ITPRID1: variants seen among roughly 807,000 people sequenced by gnomAD.
ITPRID1 encodes the protein protein ITPRID1.
A neutral mutation model predicts 95.4 loss-of-function variants in ITPRID1; 96 were observed. That is an observed-to-expected ratio of 1.01 (90% confidence interval 0.85 to 1.19). The LOEUF is 1.19. ITPRID1 is among the 50% of genes most tolerant of loss of function. The pLI, the probability that ITPRID1 is intolerant of heterozygous loss-of-function variation, is 0.00. For missense variants in ITPRID1, 1,339 were observed against 1,252.9 expected, an observed-to-expected ratio of 1.07 and a Z score of -1.04; for synonymous variants, 510 against 453.6, an observed-to-expected ratio of 1.12 and a Z score of -1.58.
At chr7:31,536,606 T>A (rs931772919) in intron 1 of ITPRID1, among the ~76,000 whole-genome samples, 1 of 152,176 alleles carries the variant, frequency 6.6e-6, no homozygotes, top group African/African-American at 2.4e-5. Flanking sequence ...ATTTTTATGA[T>A]CTTCAACAGG....
intron 5 of ITPRID1, among the ~76,000 whole-genome samples, chr7:31,555,763 C>T (rs1341578528): frequency 6.6e-5 from 10 of 152,164 alleles, no homozygotes; most frequent in African/African-American, 2.4e-4. Context: ...TTAATTATTT[C>T]ACTTCCTCTA....
rs568878337 is a variant in ITPRID1, at chr7:31,578,040, G to C, written c.776G>C (p.Arg259Thr). The C allele has an allele frequency of 2.5e-6, 4 of 1,613,754 alleles. No individual in the cohort carries two copies. The African/African-American group carries it at 4.0e-5, about 16-fold the overall frequency. The change falls in exon 9 of 15, where the codon AGA becomes ACA. Residue 259 changes from arginine (R) to threonine (T), a missense_variant. By Grantham distance (71) the Arg-to-Thr change is moderately conservative. Coordinates refer to ENST00000615280, the MANE Select transcript of ITPRID1 (RefSeq NM_001257967.3). The stretch of plus-strand genomic sequence containing the variant: ...AGAAGAATGGGTAAACTCTTAAGGA[G>C]AGCTTCCAAACAGAACATCAGGCGG... ...HRRRMGKLLR[R>T]ASKQNIRRDC...
intron 10 of ITPRID1, among the ~76,000 whole-genome samples, chr7:31,589,841 G>T (rs1785785191): frequency 6.6e-6 from 1 of 152,128 alleles, no homozygotes; most frequent in Non-Finnish European, 1.5e-5. Flanking sequence ...TTGTGGTGTT[G>T]TATACCATAT....
At chr7:31,551,598 T>C (rs1784287083) in intron 2 of ITPRID1, among the ~76,000 whole-genome samples, 1 of 143,842 alleles carries the variant, frequency 7.0e-6, no homozygotes, top group South Asian at 2.3e-4. Flanking sequence ...TTGATTTTTG[T>C]AGTAATTTAA....
In ITPRID1 at chr7:31,578,276, C is replaced by A. The variant is rs772033986; in HGVS notation, c.1012C>A (p.Pro338Thr). 1.2e-5 allele frequency: 20 copies of A among 1,613,774 alleles called. No individual in the cohort carries two copies. Among genetic ancestry groups the A allele is most frequent in the Middle Eastern group, 1.6e-4 (1 of 6,082 alleles). ...TCATGGTCTTCTGAGCAAGCAGTGGCCTTGCTCATCTATGCCGGCCAAGCA... is the reference window on the plus strand; with the variant it reads ...TCATGGTCTTCTGAGCAAGCAGTGGACTTGCTCATCTATGCCGGCCAAGCA... The part of the protein sequence containing the change: ...PPHGLLSKQW[P>T]CSSMPAKQAP... The change falls in exon 9 of 15, where the codon CCT becomes ACT. Residue 338 changes from proline (P) to threonine (T), a missense_variant. Pro to Thr is a conservative substitution (Grantham distance 38, BLOSUM62 -1). Coordinates refer to ENST00000615280, the MANE Select transcript of ITPRID1 (RefSeq NM_001257967.3).
rs550327320 is a variant in ITPRID1, at chr7:31,639,483, T to G, written c.1229-2693T>G. ...ATATCCACTTAACATAGTTCATCTTTCCTCTAGCTTCTTGAACATACAGGA... is the reference window on the plus strand; with the variant it reads ...ATATCCACTTAACATAGTTCATCTTGCCTCTAGCTTCTTGAACATACAGGA... On this transcript the variant is annotated intron_variant, in intron 10 of 14. Coordinates refer to ENST00000615280, the MANE Select transcript of ITPRID1 (RefSeq NM_001257967.3). 2.6e-5 allele frequency among the ~76,000 whole-genome samples: 4 copies of G among 152,028 alleles called. No individual in the cohort carries two copies. The South Asian group carries it at 8.3e-4, about 32-fold the overall frequency.
chr7:31,658,335 A>G (rs1194589852), downstream of ITPRID1: 1 of 1,524,266 alleles, frequency 6.6e-7, no homozygotes, highest in Non-Finnish European at 8.7e-7. Flanking sequence ...ACTCTGCTAA[A>G]GATGAAAAAA....
chr7:31,617,424 T>C (rs1313768662), intron 10 of ITPRID1, among the ~76,000 whole-genome samples: 1 of 152,176 alleles, frequency 6.6e-6, no homozygotes, highest in Admixed American at 6.5e-5. Flanking sequence ...ATTGAAATAA[T>C]AACCAAATCT....
intron 5 of ITPRID1, among the ~76,000 whole-genome samples, chr7:31,561,062 G>A (rs993533709): frequency 4.6e-5 from 7 of 152,100 alleles, no homozygotes; most frequent in African/African-American, 1.7e-4. Context: ...AACCCCATCA[G>A]CTGTTGTTAA....
intron 1 of ITPRID1, among the ~76,000 whole-genome samples, chr7:31,517,205 GCAGAGAGCTGATTGGTCCATTTTA>G (rs1262381003): frequency 4.6e-5 from 7 of 152,112 alleles, no homozygotes; most frequent in Non-Finnish European, 8.8e-5. Flanking sequence ...GGTCCATTTT[GCAGAGAGCTGATTGGTCCATTTTA>G]CAGAGAGCTG....
At chr7:31,582,442 G>A (rs1220266857) in intron 9 of ITPRID1, among the ~76,000 whole-genome samples, 1 of 151,766 alleles carries the variant, frequency 6.6e-6, no homozygotes, top group Non-Finnish European at 1.5e-5. Flanking sequence ...GTAGAGATGG[G>A]GTCTCACTAT....
At chr7:31,613,200 T>A (rs1181854698) in intron 10 of ITPRID1, among the ~76,000 whole-genome samples, 1 of 152,186 alleles carries the variant, frequency 6.6e-6, no homozygotes, top group African/African-American at 2.4e-5. Flanking sequence ...GTTTTAAGGC[T>A]AATGAAGAGC....
chr7:31,580,085 G>A (rs1224988180), intron 9 of ITPRID1, among the ~76,000 whole-genome samples: 1 of 151,940 alleles, frequency 6.6e-6, no homozygotes, highest in Non-Finnish European at 1.5e-5. Flanking sequence ...ATCACCTGAG[G>A]TCAGGAATTT....
intron 10 of ITPRID1, among the ~76,000 whole-genome samples, chr7:31,600,689 G>C (rs1786357024): frequency 6.6e-6 from 1 of 152,170 alleles, no homozygotes; most frequent in African/African-American, 2.4e-5. Context: ...AGTGACCACA[G>C]GTGGTCTGTT....
intron 1 of ITPRID1, among the ~76,000 whole-genome samples, chr7:31,524,410 A>G (rs1349975521): frequency 1.3e-5 from 2 of 152,220 alleles, no homozygotes; most frequent in Non-Finnish European, 2.9e-5. Context: ...AGCATTTTAT[A>G]TCTCAGTTAC....
chr7:31,535,216 A>G (rs1583468894), intron 1 of ITPRID1, among the ~76,000 whole-genome samples: 1 of 152,282 alleles, frequency 6.6e-6, no homozygotes, highest in Admixed American at 6.5e-5. Flanking sequence ...ATCAGAATCT[A>G]TCATTAAAGT....
chr7:31,636,133 T>C (rs1789462243), intron 10 of ITPRID1, among the ~76,000 whole-genome samples: 1 of 151,920 alleles, frequency 6.6e-6, no homozygotes, highest in Non-Finnish European at 1.5e-5. Flanking sequence ...GTCACAAGAA[T>C]AGCATGGGGG....
chr7:31,658,391 A>G, downstream of ITPRID1: 2 of 1,495,396 alleles, frequency 1.3e-6, no homozygotes, highest in Non-Finnish European at 1.8e-6. Context: ...GGTCTGTTGT[A>G]ATTGTTTTTC....
Position 31,643,604 on chromosome 7 carries a change from C to T in ITPRID1, c.2234C>T (p.Ala745Val). The stretch of plus-strand genomic sequence containing the variant: ...TGCACTGTGTGTGATCCTGTTACCG[C>T]AACAGAAACAAGACTGGGGACAAAA... ...LECTVCDPVT[A>V]TETRLGTKAR... Residue 745 changes from alanine (A) to valine (V), a missense_variant, in exon 12 of 15, where the codon GCA becomes GTA. Coordinates refer to ENST00000615280, the MANE Select transcript of ITPRID1 (RefSeq NM_001257967.3). 1 of 1,614,008 alleles carries T rather than the reference C, an allele frequency of 6.2e-7. No homozygotes were observed. Among genetic ancestry groups the T allele is most frequent in the Non-Finnish European group, 8.5e-7 (1 of 1,179,892 alleles).
Sources: gnomAD v4.1 joint callset for allele counts (sites outside exome capture counted in the v4.1 genomes callset) on GRCh38, gnomAD v4.1.1 for gene constraint, MANE v1.5 for transcripts, NCBI Gene and HGNC (gene_info 2026-07-23, HGNC 2026-07-21) for gene names.